Variants in CFI observed in about 807,000 individuals in gnomAD.
CFI encodes the protein C3B/C4B inactivator.
Under a neutral mutation model 78.8 loss-of-function variants are expected in CFI, and 66 were observed. The ratio of observed to expected loss-of-function variants is 0.84; its 90% CI spans 0.69 to 1.03. The LOEUF (loss-of-function observed/expected upper bound fraction) is 1.03, where lower values mean the gene tolerates loss of function less well. Among genes scored for constraint, CFI ranks in the 50% least tolerant of loss-of-function variants. The pLI is 0.00. For synonymous variants in CFI, 250 were observed against 232.6 expected, an observed-to-expected ratio of 1.07 and a Z score of -0.68; for missense variants, 706 against 704.5, an observed-to-expected ratio of 1.00 and a Z score of -0.02.
intron 1 of CFI, among the ~76,000 whole-genome samples, chr4:109,768,334 T>TAAAAAAAAAAAAA (rs756365540): frequency 3.2e-5 from 2 of 63,178 alleles, no homozygotes; most frequent in Non-Finnish European, 5.9e-5. Flanking sequence ...GAAGAAATCC[T>TAAAAAAAAAAAAA]AAAAAAAAAA....
chr4:109,748,481 A>C (rs1290393146), intron 10 of CFI, among the ~76,000 whole-genome samples: 1 of 152,238 alleles, frequency 6.6e-6, no homozygotes, highest in Non-Finnish European at 1.5e-5. Context: ...TTAAGAACTT[A>C]TCAAGAGGGC....
intron 1 of CFI, among the ~76,000 whole-genome samples, chr4:109,795,267 C>A (rs905985202): frequency 3.9e-5 from 6 of 152,134 alleles, no homozygotes; most frequent in African/African-American, 1.4e-4. Context: ...CACTGGTAGA[C>A]CCAGGCACCA....
At chr4:109,772,113 G>A (rs1728683764) in intron 1 of CFI, among the ~76,000 whole-genome samples, 1 of 152,218 alleles carries the variant, frequency 6.6e-6, no homozygotes, top group African/African-American at 2.4e-5. Flanking sequence ...GAACACAGTG[G>A]CTGTTAACAA....
At chr4:109,773,328 C>A (rs926816111) in intron 1 of CFI, among the ~76,000 whole-genome samples, 6 of 152,080 alleles carry the variant, frequency 3.9e-5, no homozygotes, top group African/African-American at 1.2e-4. Context: ...GAGATAGAGA[C>A]CATCCTGGCC....
At chr4:109,787,571 C>G (rs1248798986) in intron 1 of CFI, among the ~76,000 whole-genome samples, 1 of 151,658 alleles carries the variant, frequency 6.6e-6, no homozygotes, top group Non-Finnish European at 1.5e-5. Flanking sequence ...TTCCAATTCA[C>G]ATAAGAAATT....
intron 1 of CFI, among the ~76,000 whole-genome samples, chr4:109,767,739 C>T (rs1033575922): frequency 5.3e-5 from 8 of 151,448 alleles, no homozygotes; most frequent in African/African-American, 1.9e-4. Flanking sequence ...CCTCAGGGAT[C>T]TAGAACTAGA....
chr4:109,749,406 A>G, intron 9 of CFI, 85 bp from the exon 10 acceptor site: 1 of 1,484,414 alleles, frequency 6.7e-7, no homozygotes, highest in Non-Finnish European at 9.4e-7. Flanking sequence ...CAAGACTCCC[A>G]GTCTCTTATA....
intron 8 of CFI, among the ~76,000 whole-genome samples, chr4:109,750,149 C>T (rs1724974819): frequency 6.6e-6 from 1 of 151,714 alleles, no homozygotes; most frequent in Non-Finnish European, 1.5e-5. Flanking sequence ...GGCGCCCACC[C>T]CCACGCCCAG....
At chr4:109,773,372 G>A (rs543407444) in intron 1 of CFI, among the ~76,000 whole-genome samples, 20 of 152,138 alleles carry the variant, frequency 1.3e-4, no homozygotes, top group South Asian at 4.2e-4. Flanking sequence ...AAAAATTAGC[G>A]GGGCATGGTG....
In CFI at chr4:109,740,810, A is replaced by G; in HGVS notation, c.*83T>C. On this transcript the variant is annotated 3_prime_UTR_variant, in exon 13 of 13. Transcript: ENST00000394634. ...GATTTGCTTCATTTTTCCCCCCTAGAGAATTATTAATTATACCGTTTTATT... is the reference window on the plus strand; with the variant it reads ...GATTTGCTTCATTTTTCCCCCCTAGGGAATTATTAATTATACCGTTTTATT... The G allele has an allele frequency of 7.7e-7, 1 of 1,296,162 alleles. No individual in the cohort carries two copies. The allele number at this position is 1,296,162 out of a possible 1,614,324, so 80.3% of individuals were successfully genotyped here.
Position 109,740,944 on chromosome 4 carries a change from G to A in CFI, c.1701C>T (p.Asp567=), listed in dbSNP as rs1723710384. The A allele has an allele frequency of 2.5e-6, 4 of 1,614,162 alleles. No individual in the cohort carries two copies. The African/African-American group carries it at 5.3e-5, about 22-fold the overall frequency. The change falls in exon 13 of 13, where the codon GAC becomes GAT. Residue 567 remains aspartate, a synonymous_variant. Coordinates refer to ENST00000394634, the MANE Select transcript of CFI (RefSeq NM_000204.5). ...GCCTTCCTACATGGTAGCTAATCCA[G>A]TCAAAATAATTGGCCACTTTGGTGT... ...GVYTKVANYF[D]WISYHVGRPF... is the part of the protein sequence containing the mutation.
At chr4:109,769,122 T>C (rs1034991075) in intron 1 of CFI, among the ~76,000 whole-genome samples, 9 of 152,248 alleles carry the variant, frequency 5.9e-5, no homozygotes, top group African/African-American at 1.7e-4. Context: ...ATTGAAACAA[T>C]GATGCTCTCA....
chr4:109,757,886 A>T, intron 6 of CFI, 103 bp from the exon 7 acceptor site: 1 of 1,342,778 alleles, frequency 7.4e-7, no homozygotes, highest in Non-Finnish European at 1.0e-6. Context: ...ATTGCACCTT[A>T]TTTCTGTTTT....
At chr4:109,765,590 C>G (rs1654782965) in intron 2 of CFI, among the ~76,000 whole-genome samples, 1 of 152,144 alleles carries the variant, frequency 6.6e-6, no homozygotes, top group African/African-American at 2.4e-5. Context: ...CTCAATTGGA[C>G]TGACAGCGAA....
intron 7 of CFI, among the ~76,000 whole-genome samples, chr4:109,756,288 T>G (rs1726125440): frequency 8.0e-6 from 1 of 125,210 alleles, no homozygotes; most frequent in African/African-American, 3.1e-5. Context: ...CTCTGAGATC[T>G]GAAACTAGGG....
chr4:109,756,917 G>GAAAGAAA (rs1726294534), intron 7 of CFI, among the ~76,000 whole-genome samples: 4 of 121,938 alleles, frequency 3.3e-5, no homozygotes, highest in African/African-American at 1.3e-4. Flanking sequence ...AAGAAAGAAA[G>GAAAGAAA]AAAGAAAGAA....
intron 8 of CFI, among the ~76,000 whole-genome samples, chr4:109,752,083 G>T (rs1298984781): frequency 6.6e-6 from 1 of 152,110 alleles, no homozygotes; most frequent in African/African-American, 2.4e-5. Context: ...CATTGTGAAA[G>T]AATGGTTAAT....
At chr4:109,782,526 T>C (rs1011328754) in intron 1 of CFI, among the ~76,000 whole-genome samples, 1 of 151,332 alleles carries the variant, frequency 6.6e-6, no homozygotes, top group Non-Finnish European at 1.5e-5. Context: ...AAATCATAGA[T>C]GACAAAAACA....
At chr4:109,800,476 C>T (rs998907606) in intron 1 of CFI, among the ~76,000 whole-genome samples, 4 of 151,644 alleles carry the variant, frequency 2.6e-5, no homozygotes, top group Non-Finnish European at 5.9e-5. Context: ...GGATTACATG[C>T]GTGAACCCCC....
Sources: allele counts gnomAD v4.1 joint callset (sites outside exome capture counted in the v4.1 genomes callset), GRCh38; gene constraint gnomAD v4.1.1; transcripts MANE v1.5; gene names NCBI Gene and HGNC (gene_info 2026-07-23, HGNC 2026-07-21).